ANKMY1: variants seen among roughly 807,000 people sequenced by gnomAD.
The protein encoded by ANKMY1 is ankyrin repeat and MYND domain containing 1, also known as ankyrin repeat and MYND domain-containing protein 1.
Under a neutral mutation model 102.0 loss-of-function variants are expected in ANKMY1, and 98 were observed. The observed-to-expected ratio is 0.96, with a 90% confidence interval of 0.82 to 1.14. ANKMY1 has a LOEUF of 1.14. Ranked by LOEUF, ANKMY1 falls within the 50% of genes most tolerant of loss-of-function variation. The pLI is 0.00. For synonymous variants in ANKMY1, 582 were observed against 559.9 expected (o/e 1.04, Z -0.56); for missense variants, 1,330 against 1,347.6 (o/e 0.99, Z 0.20).
At position 240,552,836 on chromosome 2, in the gene ANKMY1, C is replaced by T. The variant is rs1417344741; in HGVS notation, c.480+78G>A. On this transcript the variant is annotated intron_variant, in intron 4 of 17. Coordinates refer to ENST00000401804, the MANE Select transcript of ANKMY1 (RefSeq NM_001282771.3). The stretch of plus-strand genomic sequence containing the variant: ...GCTAAACAAATAAACTTCCCCAGGA[C>T]CGAAATATCTTTTTGTCCAGTGGCT... The T allele has an allele frequency of 3.1e-6, 5 of 1,603,160 alleles. No homozygotes were observed. In the South Asian group the frequency reaches 4.4e-5, roughly 14 times the overall value.
At chr2:240,532,665 A>G (rs1273801612) in intron 4 of ANKMY1, among the ~76,000 whole-genome samples, 3 of 152,224 alleles carry the variant, frequency 2.0e-5, no homozygotes, top group African/African-American at 7.2e-5. Context: ...AAAGCTGCAC[A>G]TACATGTATA....
At chr2:240,537,608 C>T (rs2087146532) in intron 4 of ANKMY1, among the ~76,000 whole-genome samples, 1 of 152,206 alleles carries the variant, frequency 6.6e-6, no homozygotes, top group African/African-American at 2.4e-5. Flanking sequence ...CCACATGACC[C>T]CACAGTCCCA....
At chr2:240,470,641 G>A in the ANKMY1 span, among the ~76,000 whole-genome samples, 107 of 152,280 alleles carry the variant, frequency 7.0e-4, no homozygotes, top group African/African-American at 2.5e-3. Flanking sequence ...ACTCATAGGA[G>A]ACGTCAAAAT....
intron 5 of ANKMY1, chr2:240,526,872 C>CA: frequency 4.3e-6 from 5 of 1,153,504 alleles, no homozygotes; most frequent in Non-Finnish European, 5.4e-6. Flanking sequence ...GAGTAGACAA[C>CA]ATGCATTATC....
chr2:240,560,414 A>T (rs55672855), upstream of ANKMY1: 31,771 of 327,254 alleles, frequency 0.097, 1,806 homozygotes, highest in Non-Finnish European at 0.12. Context: ...GCCCGGGGAC[A>T]GAGAACATGG....
chr2:240,480,893 A>G (rs373146635), intron 17 of ANKMY1, 44 bp downstream of exon 17: 71 of 1,585,678 alleles, frequency 4.5e-5, no homozygotes, highest in Non-Finnish European at 5.9e-5. Flanking sequence ...CTTCGCCCTC[A>G]GCAGCAGCGG....
chr2:240,478,824 G>T (rs550362762), downstream of ANKMY1, among the ~76,000 whole-genome samples: 2 of 151,860 alleles, frequency 1.3e-5, no homozygotes, highest in African/African-American at 4.8e-5. Flanking sequence ...CCCGACACAG[G>T]CTCCCACCCC....
Position 240,509,425 on chromosome 2 carries a change from A to AT in ANKMY1, c.2316dup (p.Ser773IlefsTer7). 6.2e-7 allele frequency: 1 copy of AT among 1,613,574 alleles called. No homozygotes were observed. The highest frequency in any genetic ancestry group is 8.5e-7 in the Non-Finnish European group (1 of 1,179,772). ...AGCAGGTTAGGATTTGCTCCGTGGG[A>AT]TAGAAGGAGCCGGACTATGTCCCTG... On this transcript the variant is annotated frameshift_variant, in exon 12 of 18. Coordinates refer to ENST00000401804, the MANE Select transcript of ANKMY1 (RefSeq NM_001282771.3). LOFTEE classifies it high-confidence loss of function.
At chr2:240,526,052 GA>G (rs2083320141) in intron 6 of ANKMY1, 176 bp downstream of exon 6, 2 of 959,922 alleles carry the variant, frequency 2.1e-6, no homozygotes, top group African/African-American at 3.2e-5. Flanking sequence ...ACTGGACCAC[GA>G]GTGTCACACT....
At chr2:240,472,476 A>C in the ANKMY1 span, among the ~76,000 whole-genome samples, 2 of 152,188 alleles carry the variant, frequency 1.3e-5, no homozygotes, top group African/African-American at 4.8e-5. Flanking sequence ...ACTTGGTTTC[A>C]TCTCCTTTTA....
In ANKMY1 at chr2:240,524,097, G is replaced by GT; in HGVS notation, c.1619dup (p.Asp540GlufsTer15). On this transcript the variant is annotated frameshift_variant, in exon 8 of 18. Transcript: ENST00000401804. LOFTEE classifies it high-confidence loss of function. The stretch of plus-strand genomic sequence containing the variant: ...TGCCCCGGTCTGTGTTTCCCAACAC[G>GT]TCCTCAAGCCCGCTTTCCACATGGC... 1 of 1,614,042 alleles carries GT rather than the reference G, an allele frequency of 6.2e-7. No homozygotes were observed. Among genetic ancestry groups the GT allele is most frequent in the Non-Finnish European group, 8.5e-7 (1 of 1,180,040 alleles).
intron 4 of ANKMY1, among the ~76,000 whole-genome samples, chr2:240,535,232 G>C (rs1192891901): frequency 1.3e-5 from 2 of 152,184 alleles, no homozygotes; most frequent in South Asian, 2.1e-4. Flanking sequence ...ATACATTTAG[G>C]AAATACATTG....
chr2:240,530,669 C>T (rs1175297454), intron 4 of ANKMY1, among the ~76,000 whole-genome samples: 1 of 152,166 alleles, frequency 6.6e-6, no homozygotes, highest in Non-Finnish European at 1.5e-5. Flanking sequence ...ACCACCCATG[C>T]TACACACCCG....
At chr2:240,502,891 C>T (rs1321115664) in intron 13 of ANKMY1, among the ~76,000 whole-genome samples, 2 of 152,062 alleles carry the variant, frequency 1.3e-5, no homozygotes, top group African/African-American at 4.8e-5. Context: ...AGGCCCCCTG[C>T]CCCACCTCCA....
the ANKMY1 span, among the ~76,000 whole-genome samples, chr2:240,472,974 A>C: frequency 2.1e-5 from 3 of 143,226 alleles, no homozygotes. Flanking sequence ...AAAATATAAA[A>C]ATTAACCAGA....
At chr2:240,498,493 GGGGTGTGCGGGC>G (rs2077584608) in intron 15 of ANKMY1, among the ~76,000 whole-genome samples, 1 of 81,312 alleles carries the variant, frequency 1.2e-5, no homozygotes. Context: ...GGAGCTGAGG[GGGGTGTGCGGGC>G]AGCTGTGGGG....
At chr2:240,479,352 G>T (rs941306252), downstream of ANKMY1, 5 of 555,216 alleles carry the variant, frequency 9.0e-6, no homozygotes, top group African/African-American at 7.6e-5. Flanking sequence ...ATCAAAGCCA[G>T]GGGCAGAGGC....
Position 240,515,788 on chromosome 2 carries a change from A to G in ANKMY1, c.2005-2846T>C, listed in dbSNP as rs536611336. 1.4e-4 allele frequency among the ~76,000 whole-genome samples: 22 copies of G among 151,736 alleles called. 1 individual carries two copies. The highest frequency in any genetic ancestry group is 3.4e-3 in the Middle Eastern group (1 of 294). ...GCTGGAGTGCAGTGGCGCGATCTCGACTCACTGCAAGCTCCTCCTCCCAGG... is the reference window on the plus strand; with the variant it reads ...GCTGGAGTGCAGTGGCGCGATCTCGGCTCACTGCAAGCTCCTCCTCCCAGG... On this transcript the variant is annotated intron_variant, in intron 9 of 17. Coordinates refer to ENST00000401804, the MANE Select transcript of ANKMY1 (RefSeq NM_001282771.3).
chr2:240,489,299 C>CA (rs1268236071), intron 15 of ANKMY1, among the ~76,000 whole-genome samples: 1 of 151,654 alleles, frequency 6.6e-6, no homozygotes, highest in Non-Finnish European at 1.5e-5. Context: ...ACTAAAAATA[C>CA]AAAAAAATTA....
Sources: allele counts gnomAD v4.1 joint callset (sites outside exome capture counted in the v4.1 genomes callset), GRCh38; gene constraint gnomAD v4.1.1; transcripts MANE v1.5; gene names NCBI Gene and HGNC (gene_info 2026-07-23, HGNC 2026-07-21).